The following NBEAL2 variants were observed in gnomAD, a reference collection of about 807,000 sequenced individuals.
The protein encoded by NBEAL2 is neurobeachin-like protein 2.
A neutral mutation model predicts 299.8 loss-of-function variants in NBEAL2; 160 were observed. The ratio of observed to expected loss-of-function variants is 0.53; its 90% confidence interval spans 0.47 to 0.61. The LOEUF is 0.61. Ranked by LOEUF, NBEAL2 falls within the 20% of genes least tolerant of loss-of-function variation. The pLI, the probability that NBEAL2 is intolerant of heterozygous loss-of-function variation, is 0.00. For synonymous variants in NBEAL2, 1,493 were observed against 1,542.3 expected, an observed-to-expected ratio of 0.97 and a Z score of 0.75; for missense variants, 3,112 against 3,649.0, an observed-to-expected ratio of 0.85 and a Z score of 3.79.
chr3:46,994,145 G>A (rs2036302657), intron 11 of NBEAL2, 125 bp downstream of exon 11: 5 of 963,250 alleles, frequency 5.2e-6, no homozygotes, highest in Non-Finnish European at 7.9e-6. Flanking sequence ...GGCGAGCTGG[G>A]AGGTGACTGC....
At chr3:47,007,967 G>A (rs908971257) in intron 49 of NBEAL2, 57 bp downstream of exon 49, 44 of 1,580,854 alleles carry the variant, frequency 2.8e-5, no homozygotes, top group South Asian at 5.7e-5. Context: ...CAGCCCATCC[G>A]TCCCTCAGTG....
In NBEAL2 at chr3:46,989,369, G is replaced by A. The variant is rs750367669; in HGVS notation, c.461G>A (p.Arg154His). The A allele has an allele frequency of 9.5e-6, 15 of 1,578,296 alleles. No individual in the cohort carries two copies. Among genetic ancestry groups the A allele is most frequent in the East Asian group, 9.3e-5 (4 of 42,952 alleles). Residue 154 changes from arginine (R) to histidine (H), a missense_variant, in exon 5 of 54, where the codon CGC becomes CAC. Transcript: ENST00000450053. The surrounding 1 kb of genome is among the most constrained non-coding windows in gnomAD (Gnocchi z 5.5). ...TTTGACCCTTACCAAACCTGGCGGC[G>A]CCAGCGCAGTGGGTGAGACCCAGCC... Reference protein sequence around the residue: ...GLFDPYQTWRRQRSGEVISSK... With the variant: ...GLFDPYQTWRHQRSGEVISSK...
rs1476680500 is a variant in NBEAL2 at position 46,999,101 on chromosome 3, C to G, written c.3527C>G (p.Pro1176Arg). Residue 1176 changes from proline (P) to arginine (R), a missense_variant, in exon 24 of 54, where the codon CCC becomes CGC. Pro to Arg is a moderately radical substitution (Grantham distance 103). Coordinates refer to ENST00000450053, the MANE Select transcript of NBEAL2 (RefSeq NM_015175.3). ...CGGCCAGGGTCACTGCCCCTGCTGC[C>G]CGATCGAGTCTGCAAGGTACACCCA... ...LVRPGSLPLL[P>R]DRVCKILRRL... 4.4e-6 allele frequency: 7 copies of G among 1,582,900 alleles called. No individual in the cohort carries two copies. The East Asian group carries it at 1.6e-4, about 37-fold the overall frequency.
At position 46,992,574 on chromosome 3, in the gene NBEAL2, C is replaced by T. The variant is rs1220812930; in HGVS notation, c.1113+19C>T. On this transcript the variant is annotated intron_variant, in intron 10 of 53. Transcript: ENST00000450053. Reference sequence around the variant, plus strand: ...CCAAAAGGTACCATCCTGGGGCTGACCAGCTCAGACACCCCCTGGGACTCC... The same window carrying T: ...CCAAAAGGTACCATCCTGGGGCTGATCAGCTCAGACACCCCCTGGGACTCC... The T allele has an allele frequency of 6.3e-7, 1 of 1,575,716 alleles. No homozygotes were observed.
intron 24 of NBEAL2, 59 bp downstream of exon 24, chr3:46,999,176 T>C (rs2036756746): frequency 6.5e-7 from 1 of 1,544,248 alleles, no homozygotes; most frequent in Non-Finnish European, 8.8e-7. Context: ...TGCCTGGGGT[T>C]CAGGGAGGTA....
chr3:47,009,655 C>A lies in NBEAL2; in HGVS notation c.*335C>A. The A allele has an allele frequency of 2.9e-6, 1 of 339,844 alleles. No homozygotes were observed. Among genetic ancestry groups the A allele is most frequent in the Non-Finnish European group, 5.4e-6 (1 of 184,518 alleles). 21.1% of individuals were successfully genotyped at this position (339,844 alleles called of 1,614,324 possible). A position where few individuals can be genotyped will look rare whatever the true frequency, so the allele number is the denominator to read the frequency against. On this transcript the variant is annotated 3_prime_UTR_variant, in exon 54 of 54. Transcript: ENST00000450053. ...CGCCTGTGGCCTTAATTCCTAACGGCGGCCCCGGTTCTCCCTTCTCGGCAA... is the reference window on the plus strand; with the variant it reads ...CGCCTGTGGCCTTAATTCCTAACGGAGGCCCCGGTTCTCCCTTCTCGGCAA...
Position 47,002,276 on chromosome 3 carries a change from C to T in NBEAL2, c.5139C>T (p.Phe1713=). The T allele has an allele frequency of 1.9e-6, 3 of 1,568,954 alleles. No homozygotes were observed. The highest frequency in any genetic ancestry group is 1.7e-6 in the Non-Finnish European group (2 of 1,155,432). The change falls in exon 31 of 54, where the codon TTC becomes TTT. Residue 1713 remains phenylalanine, a synonymous_variant. Coordinates refer to ENST00000450053, the MANE Select transcript of NBEAL2 (RefSeq NM_015175.3). The part of the protein sequence containing the change: ...AFCATPEWRH[F]IDKQVQPTMS... ...GTGCCACACCCGAATGGCGCCACTT[C>T]ATCGACAAACAGGTGCCTGGAGGTT...
At chr3:46,997,502 G>A in intron 19 of NBEAL2, 59 bp from the exon 20 acceptor site, 5 of 1,588,520 alleles carry the variant, frequency 3.1e-6, no homozygotes, top group Non-Finnish European at 2.6e-6. Flanking sequence ...AATGCCCAAG[G>A]TCTCCTGGCC....
Position 47,009,431 on chromosome 3 carries a change from G to A in NBEAL2, c.*111G>A. 1 of 953,558 alleles carries A rather than the reference G, an allele frequency of 1.0e-6. No homozygotes were observed. Among genetic ancestry groups the A allele is most frequent in the Non-Finnish European group, 1.6e-6 (1 of 632,236 alleles). The allele number at this position is 953,558 out of a possible 1,614,324, so 59.1% of individuals were successfully genotyped here. On this transcript the variant is annotated 3_prime_UTR_variant, in exon 54 of 54. Transcript: ENST00000450053. ...GGTGGGCAGCCCAGGGGGGTGAGCG[G>A]GGCCCACCCTGCCCAGCTCAGGGAT... is the stretch of plus-strand genomic sequence containing the variant.
chr3:46,997,196 G>A, intron 18 of NBEAL2, 63 bp from the exon 19 acceptor site: 1 of 1,597,532 alleles, frequency 6.3e-7, no homozygotes, highest in Non-Finnish European at 8.5e-7. Flanking sequence ...GTGGTCTGCT[G>A]GGGTGGAGTA....
rs371449563 is a variant in NBEAL2 at position 47,001,377 on chromosome 3, G to A, written c.4583G>A (p.Arg1528His). Reference sequence around the variant, plus strand: ...ACCCAGCAAGCGCTTTGGCTGCTGCGTCTGCTGCAGGACTTCCTGTGTGCT... The same window carrying A: ...ACCCAGCAAGCGCTTTGGCTGCTGCATCTGCTGCAGGACTTCCTGTGTGCT... ...SLTQQALWLL[R>H]LLQDFLCAEG... Residue 1528 changes from arginine (R) to histidine (H), a missense_variant, in exon 29 of 54, where the codon CGT (arginine) becomes CAT (histidine). Physicochemically the swap from Arg to His is conservative, Grantham distance 29. Around this residue, in one of 3 missense-constraint regions of NBEAL2, gnomAD observed 2,243 missense variants for 2,538.1 expected, o/e 0.88. Coordinates refer to ENST00000450053, the MANE Select transcript of NBEAL2 (RefSeq NM_015175.3). The surrounding 1 kb of genome is among the most constrained non-coding windows in gnomAD (Gnocchi z 6.1). 76 of 1,613,106 alleles carry A rather than the reference G, an allele frequency of 4.7e-5. No individual in the cohort carries two copies. Among genetic ancestry groups the A allele is most frequent in the Non-Finnish European group, 5.7e-5 (67 of 1,179,882 alleles).
In NBEAL2 at chr3:47,008,360, T is replaced by G; in HGVS notation, c.7797T>G (p.Pro2599=). The change falls in exon 51 of 54, where the codon CCT becomes CCG. Residue 2599 remains proline, a synonymous_variant. Coordinates refer to ENST00000450053, the MANE Select transcript of NBEAL2 (RefSeq NM_015175.3). ...AALRPLGATF[P]GPIFHLALGS... ...TACGGCCTCTGGGTGCCACATTCCC[T>G]GGACCTATTTTCCACCTGGCATTGG... 6.2e-7 allele frequency: 1 copy of G among 1,613,794 alleles called. No homozygotes were observed. Among genetic ancestry groups the G allele is most frequent in the Non-Finnish European group, 8.5e-7 (1 of 1,179,788 alleles).
chr3:47,005,430 C>T lies in NBEAL2; in HGVS notation c.6561-59C>T, dbSNP rs915046522. Reference sequence around the variant, plus strand: ...GCTCCCTTCTTCCCTCCAGCCACAGCATCTCCCTCCCTGTCTCCATTCTCC... The same window carrying T: ...GCTCCCTTCTTCCCTCCAGCCACAGTATCTCCCTCCCTGTCTCCATTCTCC... On this transcript the variant is annotated intron_variant, in intron 40 of 53. Transcript: ENST00000450053. The T allele has an allele frequency of 3.1e-6, 5 of 1,587,388 alleles. No homozygotes were observed. The African/African-American group carries it at 6.8e-5, about 21-fold the overall frequency.
In NBEAL2 at chr3:46,988,427, T is replaced by G. The variant is rs992453349; in HGVS notation, c.52-242T>G. Among the ~76,000 whole-genome samples, 4 of 152,086 alleles carry G rather than the reference T, an allele frequency of 2.6e-5. No individual in the cohort carries two copies. The highest frequency in any genetic ancestry group is 2.0e-4 in the Admixed American group (3 of 15,266). On this transcript the variant is annotated intron_variant, in intron 1 of 53. Transcript: ENST00000450053. The surrounding 1 kb of genome is among the most constrained non-coding windows in gnomAD (Gnocchi z 4.4). ...GAAACTGGGAGGCTGAGAGAAGCAG[T>G]GGGGTGCCTGGAAAAGTGGTCAGTA...
chr3:47,007,015 G>T (rs1559621518), intron 45 of NBEAL2, 51 bp from the exon 46 acceptor site: 7 of 1,412,388 alleles, frequency 5.0e-6, no homozygotes, highest in Non-Finnish European at 9.8e-7. Context: ...GGAGCAGATA[G>T]TGTAATCTGA....
At position 46,988,963 on chromosome 3, in the gene NBEAL2, C is replaced by G. The variant is rs757662718; in HGVS notation, c.262C>G (p.Leu88Val). 1 of 1,612,724 alleles carries G rather than the reference C, an allele frequency of 6.2e-7. No individual in the cohort carries two copies. Among genetic ancestry groups the G allele is most frequent in the East Asian group, 2.2e-5 (1 of 44,848 alleles). Residue 88 changes from leucine (L) to valine (V), a missense_variant, in exon 3 of 54, where the codon CTC (leucine) becomes GTC (valine). This residue lies in a region of NBEAL2 where 2,243 missense variants were observed against 2,538.1 expected (regional missense o/e 0.88). Coordinates refer to ENST00000450053, the MANE Select transcript of NBEAL2 (RefSeq NM_015175.3). This position sits in a 1 kb window ranked among gnomAD's most constrained non-coding sequence, Gnocchi z 4.4. ...ALLLLKLFII[L>V]CRNLENIEAG... ...CCTGCTGCTCAAGCTCTTCATCATTCTCTGCAGGTGTCTCTGTTGTCCACT... is the reference window on the plus strand; with the variant it reads ...CCTGCTGCTCAAGCTCTTCATCATTGTCTGCAGGTGTCTCTGTTGTCCACT...
In NBEAL2 at chr3:47,001,174, G is replaced by A. The variant is rs969679504; in HGVS notation, c.4479G>A (p.Lys1493=). The A allele has an allele frequency of 1.2e-6, 2 of 1,610,446 alleles. No homozygotes were observed. Among genetic ancestry groups the A allele is most frequent in the East Asian group, 2.2e-5 (1 of 44,806 alleles). The change falls in exon 28 of 54, where the codon AAG becomes AAA. Residue 1493 remains lysine, a synonymous_variant. Coordinates refer to ENST00000450053, the MANE Select transcript of NBEAL2 (RefSeq NM_015175.3). The surrounding 1 kb of genome is among the most constrained non-coding windows in gnomAD (Gnocchi z 6.1). ...ATLVRPPDCI[K]RSLLEMMLES... Reference sequence around the variant, plus strand: ...TTGTGCGCCCACCAGACTGCATCAAGCGCAGGTGAGAGGGAAAGTCTGGAG... The same window carrying A: ...TTGTGCGCCCACCAGACTGCATCAAACGCAGGTGAGAGGGAAAGTCTGGAG...
rs2037612296 is a variant in NBEAL2, at chr3:47,008,266, A to C, written c.7720-17A>C. The C allele has an allele frequency of 6.2e-7, 1 of 1,612,992 alleles. No homozygotes were observed. Among genetic ancestry groups the C allele is most frequent in the African/African-American group, 1.3e-5 (1 of 74,884 alleles). ...AGCCCAGACTCCTGCCCAGGACCCT[A>C]AGTTGCCTTCCTGCAGGATGGAACT... On this transcript the variant is annotated splice_polypyrimidine_tract_variant and intron_variant, in intron 50 of 53. Coordinates refer to ENST00000450053, the MANE Select transcript of NBEAL2 (RefSeq NM_015175.3).
At position 46,992,483 on chromosome 3, in the gene NBEAL2, G is replaced by A. The variant is rs753808374; in HGVS notation, c.1041G>A (p.Leu347=). 1.1e-5 allele frequency: 17 copies of A among 1,605,112 alleles called. No homozygotes were observed. Among genetic ancestry groups the A allele is most frequent in the Non-Finnish European group, 1.4e-5 (16 of 1,176,458 alleles). The part of the protein sequence containing the change: ...TRLIQNSKLY[L]QSRAPPEGDS... The stretch of plus-strand genomic sequence containing the variant: ...TCCCCACTTCCCCACAGCTGTACCT[G>A]CAGTCCCGGGCGCCCCCCGAGGGGG... The change falls in exon 10 of 54, where the codon CTG becomes CTA. Residue 347 remains leucine (L), a synonymous_variant. Coordinates refer to ENST00000450053, the MANE Select transcript of NBEAL2 (RefSeq NM_015175.3).
Sources: allele counts gnomAD v4.1 joint callset (sites outside exome capture counted in the v4.1 genomes callset), GRCh38; gene constraint gnomAD v4.1.1; regional missense constraint gnomAD v4.1.1; non-coding constraint Gnocchi (gnomAD v3.1); transcripts MANE v1.5; gene names NCBI Gene and HGNC (gene_info 2026-07-23, HGNC 2026-07-21).